ST6GALNAC5: variants seen among roughly 807,000 people sequenced by gnomAD.
The protein encoded by ST6GALNAC5 is ST6 N-acetylgalactosaminide alpha-2,6-sialyltransferase 5.
A neutral mutation model predicts 33.6 loss-of-function variants in ST6GALNAC5; 27 were observed. The ratio of observed to expected loss-of-function variants is 0.80; its 90% CI spans 0.59 to 1.11. ST6GALNAC5 has a LOEUF of 1.11. Among genes scored for constraint, ST6GALNAC5 ranks in the 50% least tolerant of loss-of-function variants. The probability of loss-of-function intolerance (pLI) is 0.00; values close to 1 mark genes in which losing one functional copy is unlikely to be tolerated. For missense variants in ST6GALNAC5, 428 were observed against 454.0 expected, an observed-to-expected ratio of 0.94 and a Z score of 0.52; for synonymous variants, 194 against 171.2, an observed-to-expected ratio of 1.13 and a Z score of -1.04.
intron 2 of ST6GALNAC5, among the ~76,000 whole-genome samples, chr1:76,880,903 T>C (rs1164637612): frequency 2.0e-5 from 3 of 152,228 alleles, no homozygotes; most frequent in Non-Finnish European, 4.4e-5. Flanking sequence ...ACATGATACC[T>C]ATTATAAAAG....
At chr1:76,871,917 G>T (rs940769661) in intron 2 of ST6GALNAC5, among the ~76,000 whole-genome samples, 2 of 151,878 alleles carry the variant, frequency 1.3e-5, no homozygotes, top group African/African-American at 4.8e-5. Context: ...GTGTCTTCAG[G>T]TACTATATCT....
chr1:76,968,471 T>C (rs1033256754), intron 2 of ST6GALNAC5, among the ~76,000 whole-genome samples: 1 of 152,224 alleles, frequency 6.6e-6, no homozygotes, highest in African/African-American at 2.4e-5. Context: ...AGCCTATGTG[T>C]GTCTCTGCAC....
At chr1:77,056,670 C>T (rs572878006) in intron 4 of ST6GALNAC5, among the ~76,000 whole-genome samples, 2 of 152,134 alleles carry the variant, frequency 1.3e-5, no homozygotes, top group Non-Finnish European at 2.9e-5. Flanking sequence ...TCACAGAAGA[C>T]GGGTGTGGAA....
At chr1:77,006,321 A>AT (rs71075723) in intron 2 of ST6GALNAC5, among the ~76,000 whole-genome samples, 1,353 of 92,788 alleles carry the variant, frequency 0.015, 30 homozygotes, top group African/African-American at 0.042. Flanking sequence ...CACCCGGCTA[A>AT]TTTTTTTTTT....
At chr1:76,869,034 T>G in intron 2 of ST6GALNAC5, 1 of 329,594 alleles carries the variant, frequency 3.0e-6, no homozygotes, top group Non-Finnish European at 5.3e-6. Context: ...GAATTGCAGC[T>G]GCGGATGGAG....
At chr1:77,037,767 A>G (rs1274927482) in intron 2 of ST6GALNAC5, among the ~76,000 whole-genome samples, 1 of 152,150 alleles carries the variant, frequency 6.6e-6, no homozygotes, top group East Asian at 1.9e-4. Flanking sequence ...CAGGAACTAC[A>G]AGACAATGGG....
chr1:77,047,020 C>T (rs995959653), intron 3 of ST6GALNAC5, among the ~76,000 whole-genome samples: 5 of 152,208 alleles, frequency 3.3e-5, no homozygotes, highest in African/African-American at 1.2e-4. Flanking sequence ...AGCTTTTTCT[C>T]ACCAGGTCTT....
At chr1:76,988,064 T>TA (rs758422596) in intron 2 of ST6GALNAC5, among the ~76,000 whole-genome samples, 14 of 152,078 alleles carry the variant, frequency 9.2e-5, no homozygotes, top group South Asian at 4.1e-4. Context: ...CCTTTTTCAT[T>TA]AAAAAAATTT....
intron 2 of ST6GALNAC5, among the ~76,000 whole-genome samples, chr1:76,920,069 A>G (rs1401453363): frequency 1.3e-5 from 2 of 152,192 alleles, no homozygotes; most frequent in African/African-American, 2.4e-5. Context: ...TTGATGTGTT[A>G]TATTCATCTT....
intron 2 of ST6GALNAC5, among the ~76,000 whole-genome samples, chr1:76,939,446 A>G (rs1647274402): frequency 6.6e-6 from 1 of 152,122 alleles, no homozygotes; most frequent in Non-Finnish European, 1.5e-5. Context: ...TTTCCAGAAC[A>G]GAGGCCAAGG....
At chr1:77,037,236 G>C (rs1334974202) in intron 2 of ST6GALNAC5, among the ~76,000 whole-genome samples, 1 of 152,136 alleles carries the variant, frequency 6.6e-6, no homozygotes, top group Non-Finnish European at 1.5e-5. Context: ...ATGAAATCAT[G>C]TCCTTTGCAA....
Position 77,044,659 on chromosome 1 carries a change from T to C in ST6GALNAC5, c.671+46T>C, listed in dbSNP as rs878860338. ...AGATGCAGGGGAGGGTGAGGATAAGTCATCACTGGCTGACTCACCCAAAGC... is the reference window on the plus strand; with the variant it reads ...AGATGCAGGGGAGGGTGAGGATAAGCCATCACTGGCTGACTCACCCAAAGC... On this transcript the variant is annotated intron_variant, in intron 3 of 4. Transcript: ENST00000477717. 4.0e-6 allele frequency: 6 copies of C among 1,511,120 alleles called. No individual in the cohort carries two copies. The South Asian group carries it at 8.0e-5, about 20-fold the overall frequency. 93.6% of individuals were successfully genotyped at this position (1,511,120 alleles called of 1,614,324 possible). A position where few individuals can be genotyped will look rare whatever the true frequency, so the allele number is the denominator to read the frequency against.
At chr1:76,980,803 T>C (rs1331215772) in intron 2 of ST6GALNAC5, among the ~76,000 whole-genome samples, 1 of 152,154 alleles carries the variant, frequency 6.6e-6, no homozygotes, top group Non-Finnish European at 1.5e-5. Context: ...TTTATGACCT[T>C]GATTAGGTAT....
chr1:77,026,791 CTGAATGAATGAATGAATGAATGAA>C (rs58272106), intron 2 of ST6GALNAC5, among the ~76,000 whole-genome samples: 5 of 149,190 alleles, frequency 3.4e-5, no homozygotes, highest in South Asian at 2.2e-4. Flanking sequence ...AGAACACTTT[CTGAATGAATGAATGAATGAATGAA>C]TGAATGAATG....
chr1:77,019,503 G>T (rs1650975676), intron 2 of ST6GALNAC5, among the ~76,000 whole-genome samples: 1 of 152,248 alleles, frequency 6.6e-6, no homozygotes. Flanking sequence ...GCTCAAAGCA[G>T]TTCATGCAGG....
intron 2 of ST6GALNAC5, among the ~76,000 whole-genome samples, chr1:77,006,445 C>G (rs1200723076): frequency 6.6e-6 from 1 of 150,464 alleles, no homozygotes; most frequent in African/African-American, 2.5e-5. Flanking sequence ...TCCTGAGTAG[C>G]TGAGATTACA....
At chr1:77,043,921 G>A (rs1651916889) in intron 2 of ST6GALNAC5, among the ~76,000 whole-genome samples, 1 of 152,112 alleles carries the variant, frequency 6.6e-6, no homozygotes, top group African/African-American at 2.4e-5. Flanking sequence ...AACCTTGCTG[G>A]GTTGATGTGT....
chr1:76,882,419 A>C (rs1195887225), intron 2 of ST6GALNAC5, among the ~76,000 whole-genome samples: 1 of 152,172 alleles, frequency 6.6e-6, no homozygotes, highest in African/African-American at 2.4e-5. Context: ...CATTCTGCAA[A>C]TATCATTGAC....
At chr1:76,949,069 T>C (rs748633483) in intron 2 of ST6GALNAC5, among the ~76,000 whole-genome samples, 4 of 152,160 alleles carry the variant, frequency 2.6e-5, no homozygotes, top group Non-Finnish European at 5.9e-5. Flanking sequence ...ACAGCTACTG[T>C]TGCTTGTAAC....
Sources: gnomAD v4.1 joint callset for allele counts (sites outside exome capture counted in the v4.1 genomes callset) on GRCh38, gnomAD v4.1.1 for gene constraint, MANE v1.5 for transcripts, NCBI Gene and HGNC (gene_info 2026-07-23, HGNC 2026-07-21) for gene names.